TENM3: variants seen among roughly 807,000 people sequenced by gnomAD.
TENM3 encodes teneurin-3.
In TENM3, 63 loss-of-function variants were observed where a neutral mutation model predicts 255.1. That is an observed-to-expected ratio of 0.25 (90% CI 0.20 to 0.30). The LOEUF (loss-of-function observed/expected upper bound fraction) is 0.30. Ranked by LOEUF, TENM3 falls within the 10% of genes least tolerant of loss-of-function variation. The pLI, the probability that TENM3 is intolerant of heterozygous loss-of-function variation, is 1.00. For synonymous variants in TENM3, 1,306 were observed against 1,322.3 expected (o/e 0.99, Z 0.27); for missense variants, 2,929 against 3,461.1 (o/e 0.85, Z 3.86).
intron 1 of TENM3, among the ~76,000 whole-genome samples, chr4:182,219,008 A>C (rs1755689833): frequency 1.3e-5 from 2 of 152,228 alleles, no homozygotes; most frequent in African/African-American, 4.8e-5. Context: ...GGATCACCTG[A>C]GGTCAGGAGC....
chr4:182,540,365 G>A (rs1220256275), intron 3 of TENM3, among the ~76,000 whole-genome samples: 5 of 152,112 alleles, frequency 3.3e-5, no homozygotes, highest in African/African-American at 9.7e-5. Context: ...CGAGGCGGGC[G>A]GATCACCTGA....
chr4:182,280,506 G>T (rs957123802), intron 1 of TENM3, among the ~76,000 whole-genome samples: 3 of 152,148 alleles, frequency 2.0e-5, no homozygotes, highest in Non-Finnish European at 4.4e-5. Flanking sequence ...CAAAATTTTA[G>T]AATAGATAAT....
chr4:182,396,706 A>G (rs1397702978), intron 3 of TENM3, among the ~76,000 whole-genome samples: 1 of 152,194 alleles, frequency 6.6e-6, no homozygotes, highest in East Asian at 1.9e-4. Context: ...TCACACCTGT[A>G]AACTCAGCAC....
At chr4:182,043,642 A>T in the TENM3 span, among the ~76,000 whole-genome samples, 1 of 152,198 alleles carries the variant, frequency 6.6e-6, no homozygotes, top group Non-Finnish European at 1.5e-5. Flanking sequence ...AATTTTTAGG[A>T]TAAATTATTA....
At chr4:182,042,430 A>C in the TENM3 span, among the ~76,000 whole-genome samples, 1 of 152,180 alleles carries the variant, frequency 6.6e-6, no homozygotes, top group African/African-American at 2.4e-5. Context: ...CCTCAGGATG[A>C]GTGTACAGTA....
chr4:181,741,460 ATATT>A, the TENM3 span, among the ~76,000 whole-genome samples: 4 of 151,910 alleles, frequency 2.6e-5, no homozygotes, highest in African/African-American at 4.8e-5. Context: ...ATCTGTAGAA[ATATT>A]TATTAGTTAA....
the TENM3 span, among the ~76,000 whole-genome samples, chr4:181,692,852 CT>C: frequency 6.6e-6 from 1 of 152,184 alleles, no homozygotes; most frequent in Non-Finnish European, 1.5e-5. Context: ...GAGATATCAG[CT>C]TTCCAACAGT....
chr4:181,565,245 G>A, the TENM3 span, among the ~76,000 whole-genome samples: 2 of 152,156 alleles, frequency 1.3e-5, no homozygotes, highest in Non-Finnish European at 2.9e-5. Flanking sequence ...GGATAGGAGA[G>A]TACAGGCAAC....
chr4:182,392,706 G>GA lies in TENM3; in HGVS notation c.511+45777_511+45778insA, dbSNP rs199566934. ...GGTGGAAACAGAGAAGGAGGCAGGT[G>GA]TGAACAGTAGAGAAATAGAGGCAGG... On this transcript the variant is annotated intron_variant, in intron 3 of 27. Coordinates refer to ENST00000511685, the MANE Select transcript of TENM3 (RefSeq NM_001080477.4). 8.0e-3 allele frequency among the ~76,000 whole-genome samples: 1,211 copies of GA among 152,296 alleles called. 14 individuals carry two copies. Among genetic ancestry groups the GA allele is most frequent in the African/African-American group, 0.027 (1,109 of 41,550 alleles).
chr4:182,778,633 G>C (rs973257523), intron 24 of TENM3, among the ~76,000 whole-genome samples: 8 of 152,290 alleles, frequency 5.3e-5, no homozygotes, highest in Admixed American at 5.2e-4. Context: ...TGGGAAAATT[G>C]TGTAGCGTCA....
intron 3 of TENM3, among the ~76,000 whole-genome samples, chr4:182,387,442 G>C (rs748344202): frequency 6.6e-6 from 1 of 152,260 alleles, no homozygotes; most frequent in East Asian, 1.9e-4. Context: ...GACAAAATAG[G>C]CCACTCGGCT....
chr4:181,927,323 C>G, the TENM3 span, among the ~76,000 whole-genome samples: 41 of 152,214 alleles, frequency 2.7e-4, no homozygotes, highest in Non-Finnish European at 5.0e-4. Flanking sequence ...CTGGGAAGCT[C>G]AAGCTTGGTA....
the TENM3 span, among the ~76,000 whole-genome samples, chr4:181,781,490 G>T: frequency 2.6e-4 from 39 of 152,296 alleles, no homozygotes; most frequent in African/African-American, 9.1e-4. Context: ...CTTTGCTGAA[G>T]TTGCTTATCA....
the TENM3 span, among the ~76,000 whole-genome samples, chr4:181,500,583 T>C: frequency 6.6e-6 from 1 of 152,150 alleles, no homozygotes; most frequent in Non-Finnish European, 1.5e-5. Context: ...AAATCAAATG[T>C]TTATTGTTTA....
intron 3 of TENM3, among the ~76,000 whole-genome samples, chr4:182,393,108 A>G (rs1213575071): frequency 6.6e-6 from 1 of 152,250 alleles, no homozygotes; most frequent in Non-Finnish European, 1.5e-5. Context: ...GTAGCACACC[A>G]TTAAAAATAA....
chr4:182,749,431 G>C (rs1475185802), intron 19 of TENM3, among the ~76,000 whole-genome samples: 1 of 151,902 alleles, frequency 6.6e-6, no homozygotes, highest in Non-Finnish European at 1.5e-5. Context: ...GTTAATTATT[G>C]TATTCCTGCA....
chr4:181,471,199 GA>G, the TENM3 span, among the ~76,000 whole-genome samples: 3 of 152,108 alleles, frequency 2.0e-5, no homozygotes, highest in Non-Finnish European at 4.4e-5. Context: ...CAAGGAAAAA[GA>G]GGGGAAAAGT....
the TENM3 span, among the ~76,000 whole-genome samples, chr4:181,534,157 G>A: frequency 4.5e-4 from 69 of 151,690 alleles, no homozygotes; most frequent in Admixed American, 2.6e-4. Flanking sequence ...TTGGGAAGCC[G>A]AGGTGGGTGG....
At chr4:182,129,339 A>G in the TENM3 span, among the ~76,000 whole-genome samples, 6 of 152,184 alleles carry the variant, frequency 3.9e-5, no homozygotes, top group African/African-American at 1.4e-4. Context: ...AAAATGTGAG[A>G]AACCTGGTAT....
Sources: allele counts gnomAD v4.1 joint callset (sites outside exome capture counted in the v4.1 genomes callset), GRCh38; gene constraint gnomAD v4.1.1; transcripts MANE v1.5; gene names NCBI Gene and HGNC (gene_info 2026-07-23, HGNC 2026-07-21).